The following ZNF417 variants were observed in gnomAD, a reference collection of about 807,000 sequenced individuals.
The protein encoded by ZNF417 is zinc finger protein 417.
ZNF417 carries 5 observed loss-of-function variants against 7.4 expected under a neutral mutation model. The ratio of observed to expected loss-of-function variants is 0.68; its 90% CI spans 0.35 to 1.43. The LOEUF is 1.43. Ranked by LOEUF, ZNF417 falls within the 40% of genes most tolerant of loss-of-function variation. The pLI is 0.04. For missense variants in ZNF417, 437 were observed against 697.3 expected (o/e 0.63, Z 4.20); for synonymous variants, 147 against 239.1 (o/e 0.61, Z 3.55).
At chr19:57,915,060 G>C (rs2071935350) in intron 1 of ZNF417, among the ~76,000 whole-genome samples, 2 of 152,156 alleles carry the variant, frequency 1.3e-5, no homozygotes, top group African/African-American at 4.8e-5. Flanking sequence ...TTACAAACAT[G>C]TCACGGGATT....
At chr19:57,916,286 G>A (rs1352322131) in intron 1 of ZNF417, 93 bp downstream of exon 1, 11 of 1,607,746 alleles carry the variant, frequency 6.8e-6, no homozygotes, top group Non-Finnish European at 9.3e-6. Context: ...CCGGGTACCG[G>A]CTACAGACCC....
Sources: gnomAD v4.1 joint callset for allele counts (sites outside exome capture counted in the v4.1 genomes callset) on GRCh38, gnomAD v4.1.1 for gene constraint, MANE v1.5 for transcripts, NCBI Gene and HGNC (gene_info 2026-07-23, HGNC 2026-07-21) for gene names.